CELF4: variants seen among roughly 807,000 people sequenced by gnomAD.
The protein encoded by CELF4 is CUGBP Elav-like family member 4, also known as CUG-BP- and ETR-3-like factor 4.
A neutral mutation model predicts 59.9 loss-of-function variants in CELF4; 18 were observed. The observed-to-expected ratio is 0.30, with a 90% CI of 0.21 to 0.45. The LOEUF is 0.45. Among genes scored for constraint, CELF4 ranks in the 20% least tolerant of loss-of-function variants. CELF4 has a pLI of 1.00. For missense variants in CELF4, 456 were observed against 689.0 expected (o/e 0.66, Z 3.79); for synonymous variants, 261 against 267.1 (o/e 0.98, Z 0.22).
intron 2 of CELF4, among the ~76,000 whole-genome samples, chr18:37,326,805 C>T (rs561518): frequency 0.45 from 68,297 of 151,970 alleles, 15,434 homozygotes; most frequent in South Asian, 0.61. Context: ...TTTCCTCTTC[C>T]GCTCAGGCTC....
chr18:37,358,749 G>A (rs1439298001), intron 2 of CELF4, among the ~76,000 whole-genome samples: 1 of 152,210 alleles, frequency 6.6e-6, no homozygotes, highest in African/African-American at 2.4e-5. Flanking sequence ...GGCTCCAAGA[G>A]GGCACACAGT....
intron 2 of CELF4, among the ~76,000 whole-genome samples, chr18:37,433,242 C>A (rs2099676349): frequency 6.6e-6 from 1 of 152,182 alleles, no homozygotes; most frequent in Non-Finnish European, 1.5e-5. Context: ...TGGGCCCACC[C>A]CTTTTTTTGC....
Position 37,440,454 on chromosome 18 carries a change from C to A in CELF4, c.369+45071G>T, listed in dbSNP as rs941068127. On this transcript the variant is annotated intron_variant, in intron 2 of 12. Coordinates refer to ENST00000420428, the MANE Select transcript of CELF4 (RefSeq NM_020180.4). ...CCAGGCTCAGCCCGCTGTCCCAGGG[C>A]AGCCCTGATTTCACTTCTTCTACCA... Among the ~76,000 whole-genome samples, 7 of 152,218 alleles carry A rather than the reference C, an allele frequency of 4.6e-5. No individual in the cohort carries two copies. In the East Asian group the frequency reaches 1.2e-3, roughly 25 times the overall value.
chr18:37,322,251 A>G lies in CELF4; in HGVS notation c.370-370T>C, dbSNP rs563193622. On this transcript the variant is annotated intron_variant, in intron 2 of 12. Transcript: ENST00000420428. ...TGTCACCAAAGCACACCCTTGGCTC[A>G]GCCCTGGTTCACTCAAACATCTGCC... Among the ~76,000 whole-genome samples the G allele has an allele frequency of 3.7e-4, 56 of 152,318 alleles. No homozygotes were observed. In the South Asian group the frequency reaches 9.5e-3, roughly 26 times the overall value.
chr18:37,339,083 CA>C (rs1466292876), intron 2 of CELF4, among the ~76,000 whole-genome samples: 1 of 152,164 alleles, frequency 6.6e-6, no homozygotes, highest in Non-Finnish European at 1.5e-5. Flanking sequence ...AGGCGCAGCC[CA>C]ATTTTATAAG....
At chr18:37,497,435 C>T (rs1342323082) in intron 1 of CELF4, among the ~76,000 whole-genome samples, 6 of 152,126 alleles carry the variant, frequency 3.9e-5, no homozygotes, top group African/African-American at 9.7e-5. Context: ...GGGCAGATCA[C>T]GAGGTCAGGA....
rs2099879567 is a variant in CELF4, at chr18:37,485,624, G to GCGCCAAGAAGGGTCA, written c.287-32_287-18dup. 7.1e-7 allele frequency: 1 copy of GCGCCAAGAAGGGTCA among 1,417,548 alleles called. No individual in the cohort carries two copies. 87.8% of individuals were successfully genotyped at this position (1,417,548 alleles called of 1,614,324 possible). On this transcript the variant is annotated splice_polypyrimidine_tract_variant and intron_variant, in intron 1 of 12. Coordinates refer to ENST00000420428, the MANE Select transcript of CELF4 (RefSeq NM_020180.4). ...AGGCGCAGCCTGGGGAGGAAAGCAA[G>GCGCCAAGAAGGGTCA]CGCCAAGAAGGGTCAGTGGGGCGCC...
chr18:37,381,500 GGC>G (rs1482331573), intron 2 of CELF4, among the ~76,000 whole-genome samples: 4 of 152,058 alleles, frequency 2.6e-5, no homozygotes, highest in Admixed American at 6.5e-5. Context: ...GAGCCTTGCA[GGC>G]ACCCTAGGGT....
Position 37,246,682 on chromosome 18 carries a change from A to G in CELF4, c.*45-1485T>C, listed in dbSNP as rs1180155420. The stretch of plus-strand genomic sequence containing the variant: ...AAGTGTCAATTGAAAAAGGCCCCCA[A>G]ATTTCTAGAAAAAAATAAAATCACA... On this transcript the variant is annotated intron_variant, in intron 12 of 12. Transcript: ENST00000420428. The surrounding 1 kb of genome is among the most constrained non-coding windows in gnomAD (Gnocchi z 5.3). 2.0e-5 allele frequency among the ~76,000 whole-genome samples: 3 copies of G among 152,124 alleles called. No individual in the cohort carries two copies. The highest frequency in any genetic ancestry group is 4.8e-5 in the African/African-American group (2 of 41,414).
intron 2 of CELF4, among the ~76,000 whole-genome samples, chr18:37,353,232 AAATAT>A (rs1279416943): frequency 2.8e-5 from 3 of 107,448 alleles, no homozygotes; most frequent in South Asian, 6.1e-4. Flanking sequence ...AAAAAAAAAA[AAATAT>A]ATATATATAT....
intron 4 of CELF4, 94 bp from the exon 5 acceptor site, chr18:37,274,978 G>A (rs1206643424): frequency 1.3e-6 from 2 of 1,544,350 alleles, no homozygotes; most frequent in African/African-American, 2.7e-5. Flanking sequence ...GCAGACGGGT[G>A]AGGCAGAGAT....
In CELF4 at chr18:37,494,272, C is replaced by T. The variant is rs182241668; in HGVS notation, c.287-8665G>A. 8.0e-4 allele frequency among the ~76,000 whole-genome samples: 122 copies of T among 152,308 alleles called. 1 individual carries two copies. Among genetic ancestry groups the T allele is most frequent in the African/African-American group, 2.4e-3 (100 of 41,558 alleles). On this transcript the variant is annotated intron_variant, in intron 1 of 12. Transcript: ENST00000420428. ...GCACTGTGAAAAAAGACAAAGTGGA[C>T]GTGACATATTGATGGCCTGTCCCCC... is the stretch of plus-strand genomic sequence containing the variant.
intron 3 of CELF4, among the ~76,000 whole-genome samples, chr18:37,280,967 A>G (rs2094062527): frequency 6.6e-6 from 1 of 152,212 alleles, no homozygotes; most frequent in Admixed American, 6.5e-5. Context: ...ATACAATGGA[A>G]TCTGGCTGCC....
intron 2 of CELF4, among the ~76,000 whole-genome samples, chr18:37,462,584 G>A (rs1467632936): frequency 6.6e-6 from 1 of 152,202 alleles, no homozygotes; most frequent in Non-Finnish European, 1.5e-5. Context: ...TGCAGTAGGT[G>A]CTGACATCTA....
intron 1 of CELF4, among the ~76,000 whole-genome samples, chr18:37,514,325 C>T (rs2099948146): frequency 1.3e-5 from 2 of 152,254 alleles, no homozygotes; most frequent in East Asian, 1.9e-4. Context: ...ACCAAAGCTT[C>T]CTGCAAAAGG....
intron 2 of CELF4, among the ~76,000 whole-genome samples, chr18:37,333,265 A>G (rs2154536848): frequency 6.6e-6 from 1 of 152,116 alleles, no homozygotes; most frequent in Non-Finnish European, 1.5e-5. Flanking sequence ...AGCTCTGAAC[A>G]TCGTGCCTGG....
chr18:37,266,248 G>T, intron 9 of CELF4: 1 of 548,406 alleles, frequency 1.8e-6, no homozygotes, highest in Non-Finnish European at 3.3e-6. Context: ...CATGGGGAAG[G>T]GAAATCTGGC....
chr18:37,534,992 G>A (rs1053862971), intron 1 of CELF4, among the ~76,000 whole-genome samples: 1 of 152,202 alleles, frequency 6.6e-6, no homozygotes, highest in Non-Finnish European at 1.5e-5. Flanking sequence ...AAAGGCTTGC[G>A]ATGTCTACAT....
In CELF4 at chr18:37,466,846, T is replaced by G. The variant is rs79315105; in HGVS notation, c.369+18679A>C. 4.9e-3 allele frequency among the ~76,000 whole-genome samples: 747 copies of G among 152,254 alleles called. 4 individuals are homozygous for G. The highest frequency in any genetic ancestry group is 0.017 in the African/African-American group (697 of 41,568). On this transcript the variant is annotated intron_variant, in intron 2 of 12. Coordinates refer to ENST00000420428, the MANE Select transcript of CELF4 (RefSeq NM_020180.4). Reference sequence around the variant, plus strand: ...GAGAAGGTGGCATGTGAGCTGAGTTTGGAATGCTGGCCAAGGACTGACCTG... The same window carrying G: ...GAGAAGGTGGCATGTGAGCTGAGTTGGGAATGCTGGCCAAGGACTGACCTG...
Sources: allele counts gnomAD v4.1 joint callset (sites outside exome capture counted in the v4.1 genomes callset), GRCh38; gene constraint gnomAD v4.1.1; non-coding constraint Gnocchi (gnomAD v3.1); transcripts MANE v1.5; gene names NCBI Gene and HGNC (gene_info 2026-07-23, HGNC 2026-07-21).